INSL6: variants seen among roughly 807,000 people sequenced by gnomAD.
INSL6 encodes insulin like 6.
In INSL6, 16 loss-of-function variants were observed where a neutral mutation model predicts 9.4. The ratio of observed to expected loss-of-function variants is 1.70; its 90% CI spans 1.15 to 2.59. INSL6 has a LOEUF of 2.59. Ranked by LOEUF, INSL6 falls within the 30% of genes most tolerant of loss-of-function variation. The pLI is 0.00. For synonymous variants in INSL6, 154 were observed against 96.9 expected, an observed-to-expected ratio of 1.59 and a Z score of -3.46; for missense variants, 391 against 257.3, an observed-to-expected ratio of 1.52 and a Z score of -3.56.
chr9:5,091,879 G>A, the INSL6 span, among the ~76,000 whole-genome samples: 3 of 152,202 alleles, frequency 2.0e-5, no homozygotes, highest in Non-Finnish European at 4.4e-5. Flanking sequence ...TTGCTAGTAA[G>A]AGACCTAGGG....
intron 2 of INSL6, among the ~76,000 whole-genome samples, chr9:5,158,863 G>A (rs1485709025): frequency 6.6e-6 from 1 of 151,932 alleles, no homozygotes; most frequent in African/African-American, 2.4e-5. Flanking sequence ...TATTATAACT[G>A]TTACTATGGT....
chr9:5,027,685 TTTGA>T, the INSL6 span, among the ~76,000 whole-genome samples: 2 of 152,254 alleles, frequency 1.3e-5, no homozygotes, highest in African/African-American at 2.4e-5. Context: ...CTGCCACTGC[TTTGA>T]TTAAGTTGAT....
At chr9:5,005,083 ATTTTTTTTTTTTTTTTTTTTTTTTTTT>A in the INSL6 span, among the ~76,000 whole-genome samples, 44 of 40,032 alleles carry the variant, frequency 1.1e-3, no homozygotes, top group Non-Finnish European at 1.3e-3. Flanking sequence ...TGCCTGGCTA[ATTTTTTTTTTTTTTTTTTTTTTTTTTT>A]TTTTTTTTTT....
chr9:5,163,777 A>G, downstream of INSL6: 1 of 632,330 alleles, frequency 1.6e-6, no homozygotes, highest in Admixed American at 2.8e-5. Flanking sequence ...TATTACCACT[A>G]TAAGGTATGG....
intron 3 of INSL6, among the ~76,000 whole-genome samples, chr9:5,124,841 G>A (rs1213400462): frequency 1.3e-5 from 2 of 151,376 alleles, no homozygotes; most frequent in African/African-American, 4.8e-5. Context: ...TTTATCCAAA[G>A]AATAGTAAGC....
At chr9:5,037,982 A>G in the INSL6 span, among the ~76,000 whole-genome samples, 1 of 152,230 alleles carries the variant, frequency 6.6e-6, no homozygotes, top group Non-Finnish European at 1.5e-5. Flanking sequence ...ATGTACATGA[A>G]TATATAGCGT....
chr9:5,032,946 C>T, the INSL6 span, among the ~76,000 whole-genome samples: 1 of 151,996 alleles, frequency 6.6e-6, no homozygotes, highest in East Asian at 1.9e-4. Flanking sequence ...TCAAACTACT[C>T]CAAGCTAAAG....
the INSL6 span, among the ~76,000 whole-genome samples, chr9:5,082,086 C>T: frequency 6.6e-6 from 1 of 152,178 alleles, no homozygotes; most frequent in South Asian, 2.1e-4. Context: ...TCAGGTGGGA[C>T]CAGAGACTGA....
downstream of INSL6, chr9:5,163,806 A>G (rs553026729): frequency 6.8e-6 from 5 of 738,042 alleles, no homozygotes; most frequent in East Asian, 8.1e-5. Context: ...TTGCAAGTAC[A>G]TTCAGACATT....
chr9:5,060,679 C>T, the INSL6 span, among the ~76,000 whole-genome samples: 1 of 152,224 alleles, frequency 6.6e-6, no homozygotes, highest in African/African-American at 2.4e-5. Context: ...GTGAACCCCT[C>T]AAAGTCATCC....
At chr9:5,038,493 T>A in the INSL6 span, among the ~76,000 whole-genome samples, 2 of 151,982 alleles carry the variant, frequency 1.3e-5, no homozygotes, top group Non-Finnish European at 2.9e-5. Flanking sequence ...AGACCAATGT[T>A]GTAGGTAGAA....
chr9:4,994,733 C>T, the INSL6 span, among the ~76,000 whole-genome samples: 1 of 152,158 alleles, frequency 6.6e-6, no homozygotes, highest in Admixed American at 6.5e-5. Context: ...GTGAACTGTG[C>T]TCTGCCAATT....
At chr9:5,091,045 C>G in the INSL6 span, 1 of 459,670 alleles carries the variant, frequency 2.2e-6, no homozygotes, top group South Asian at 3.5e-5. Flanking sequence ...TTACATTTAA[C>G]TTTTTTTTTT....
At chr9:5,015,405 C>G in the INSL6 span, among the ~76,000 whole-genome samples, 1 of 152,162 alleles carries the variant, frequency 6.6e-6, no homozygotes, top group Non-Finnish European at 1.5e-5. Flanking sequence ...TGTTAAATGT[C>G]TTTTTCATTG....
the INSL6 span, among the ~76,000 whole-genome samples, chr9:5,116,007 G>C: frequency 2.0e-5 from 3 of 151,842 alleles, no homozygotes; most frequent in Non-Finnish European, 4.4e-5. Context: ...GTATACCTAC[G>C]TTAACAAACC....
the INSL6 span, chr9:5,065,089 A>G: frequency 1.6e-6 from 2 of 1,255,154 alleles, no homozygotes; most frequent in Non-Finnish European, 1.1e-6. Flanking sequence ...TAAATGCTGT[A>G]TTTACAAAGA....
chr9:5,055,977 C>T, the INSL6 span, among the ~76,000 whole-genome samples: 2 of 152,002 alleles, frequency 1.3e-5, no homozygotes, highest in African/African-American at 4.8e-5. Context: ...ACACCATCTT[C>T]CTACAGAGTT....
chr9:5,145,232 G>T (rs575804952), intron 2 of INSL6, among the ~76,000 whole-genome samples: 2 of 152,204 alleles, frequency 1.3e-5, no homozygotes, highest in Admixed American at 6.5e-5. Flanking sequence ...AGCTTAGCTT[G>T]GCCAGATATG....
At chr9:5,132,581 A>G (rs1335638151) in intron 3 of INSL6, among the ~76,000 whole-genome samples, 3 of 152,054 alleles carry the variant, frequency 2.0e-5, no homozygotes. Flanking sequence ...TCCATATTGC[A>G]TACCACTTCA....
Sources: allele counts gnomAD v4.1 joint callset (sites outside exome capture counted in the v4.1 genomes callset), GRCh38; gene constraint gnomAD v4.1.1; transcripts MANE v1.5; gene names NCBI Gene and HGNC (gene_info 2026-07-23, HGNC 2026-07-21).